The following TLL1 variants were observed in gnomAD, a reference collection of about 807,000 sequenced individuals.
TLL1 encodes tolloid like 1.
In TLL1, 49 loss-of-function variants were observed where a neutral mutation model predicts 128.2. That is an observed-to-expected ratio of 0.38 (90% CI 0.30 to 0.48). The LOEUF is 0.48. TLL1 is among the 20% of genes least tolerant of loss of function. TLL1 has a pLI of 0.96. For missense variants in TLL1, 1,123 were observed against 1,242.0 expected (o/e 0.90, Z 1.44); for synonymous variants, 454 against 418.8 (o/e 1.08, Z -1.03).
rs1459335572 is a variant in TLL1 at position 166,065,857 on chromosome 4, T to C, written c.2182T>C (p.Phe728Leu). The change falls in exon 16 of 21, where the codon TTC (phenylalanine) becomes CTC (leucine). Residue 728 changes from phenylalanine (F) to leucine (L), a missense_variant. Physicochemically the swap from Phe to Leu is conservative, Grantham distance 22 (BLOSUM62 0). This residue lies in a region of TLL1 where 634 missense variants were observed against 672.4 expected (regional missense o/e 0.94). Transcript: ENST00000061240. ...VSKKGFKAHF[F>L]SDKDECSKDN... ...CAAGAAGGGCTTCAAAGCACATTTT[T>C]TCTCAGGTATAAGCATTCACATGTT... 1 of 1,610,242 alleles carries C rather than the reference T, an allele frequency of 6.2e-7. No homozygotes were observed. The highest frequency in any genetic ancestry group is 8.5e-7 in the Non-Finnish European group (1 of 1,178,184).
Position 166,003,482 on chromosome 4 carries a change from T to C in TLL1, c.724T>C (p.Leu242=). 6.2e-7 allele frequency: 1 copy of C among 1,614,050 alleles called. No homozygotes were observed. The highest frequency in any genetic ancestry group is 8.5e-7 in the Non-Finnish European group (1 of 1,179,952). The stretch of plus-strand genomic sequence containing the variant: ...TAAATTTGGGATTGTTGTTCATGAA[T>C]TGGGTCATGTGATAGGCTTTTGGCA... The part of the protein sequence containing the change: ...CDKFGIVVHE[L]GHVIGFWHEH... Residue 242 remains leucine (L), a synonymous_variant, in exon 6 of 21, where the codon TTG becomes CTG. Coordinates refer to ENST00000061240, the MANE Select transcript of TLL1 (RefSeq NM_012464.5).
intron 18 of TLL1, among the ~76,000 whole-genome samples, chr4:166,086,883 GT>G (rs1365490768): frequency 1.3e-5 from 2 of 152,118 alleles, no homozygotes; most frequent in East Asian, 3.9e-4. Context: ...CATTTGCTTT[GT>G]TTTTATTATG....
intron 1 of TLL1, 23 bp downstream of exon 1, chr4:165,874,096 A>G (rs1056160360): frequency 1.2e-6 from 2 of 1,613,614 alleles, no homozygotes; most frequent in African/African-American, 2.7e-5. Flanking sequence ...CCAGGTTGGG[A>G]CGGTGGCGCG....
intron 1 of TLL1, among the ~76,000 whole-genome samples, chr4:165,907,657 T>G (rs1732327553): frequency 6.6e-6 from 1 of 151,772 alleles, no homozygotes; most frequent in Non-Finnish European, 1.5e-5. Flanking sequence ...CAAACGATTC[T>G]CCTGTCTCAG....
intron 1 of TLL1, among the ~76,000 whole-genome samples, chr4:165,877,663 A>T: frequency 6.6e-6 from 1 of 152,142 alleles, no homozygotes; most frequent in East Asian, 1.9e-4. Context: ...GGAAAAGCAG[A>T]TACCTGATGA....
chr4:166,063,653 A>G lies in TLL1; in HGVS notation c.2008-2030A>G, dbSNP rs890274076. ...TGGCACATATACACCATGGAATACT[A>G]TGCAGCCATAAAAAATGATGAGTTC... On this transcript the variant is annotated intron_variant, in intron 15 of 20. Coordinates refer to ENST00000061240, the MANE Select transcript of TLL1 (RefSeq NM_012464.5). Among the ~76,000 whole-genome samples, 5 of 152,302 alleles carry G rather than the reference A, an allele frequency of 3.3e-5. No individual in the cohort carries two copies. In the South Asian group the frequency reaches 6.2e-4, roughly 19 times the overall value.
chr4:165,984,087 C>G (rs1736285164), intron 1 of TLL1, among the ~76,000 whole-genome samples: 1 of 151,680 alleles, frequency 6.6e-6, no homozygotes, highest in Admixed American at 6.6e-5. Context: ...TTTGTATGAA[C>G]AAACACTAAA....
At chr4:166,078,101 T>C (rs918247171) in intron 18 of TLL1, 71 bp downstream of exon 18, 2 of 1,602,382 alleles carry the variant, frequency 1.2e-6, no homozygotes, top group African/African-American at 2.7e-5. Context: ...CACTTGGAAA[T>C]AAAATGGAGG....
intron 6 of TLL1, among the ~76,000 whole-genome samples, chr4:166,007,552 T>C (rs1737495218): frequency 6.6e-6 from 1 of 151,712 alleles, no homozygotes; most frequent in South Asian, 2.1e-4. Context: ...GATTTTTGTA[T>C]GACCTGGAAA....
At chr4:165,887,957 AT>A (rs1193412084) in intron 1 of TLL1, among the ~76,000 whole-genome samples, 1 of 152,152 alleles carries the variant, frequency 6.6e-6, no homozygotes, top group African/African-American at 2.4e-5. Context: ...AGTTGTTGCT[AT>A]TATGCAGAAA....
intron 12 of TLL1, among the ~76,000 whole-genome samples, chr4:166,052,458 C>A (rs958563448): frequency 5.3e-5 from 8 of 151,994 alleles, no homozygotes; most frequent in African/African-American, 1.9e-4. Context: ...CCATGCCCAG[C>A]TAATTGTTTT....
chr4:165,984,311 T>C (rs1736297538), intron 1 of TLL1, among the ~76,000 whole-genome samples: 1 of 151,930 alleles, frequency 6.6e-6, no homozygotes, highest in Non-Finnish European at 1.5e-5. Context: ...TTGGGGGAGA[T>C]TTATTCTATG....
chr4:165,964,031 T>TA (rs1332431268), intron 1 of TLL1, among the ~76,000 whole-genome samples: 41 of 152,208 alleles, frequency 2.7e-4, no homozygotes, highest in African/African-American at 8.9e-4. Flanking sequence ...AATTTTAGGC[T>TA]ACATTTGGCA....
At chr4:165,975,440 A>G (rs759057263) in intron 1 of TLL1, among the ~76,000 whole-genome samples, 37 of 152,190 alleles carry the variant, frequency 2.4e-4, no homozygotes, top group Admixed American at 4.6e-4. Flanking sequence ...TGCTATGCCT[A>G]GATACATTTA....
chr4:166,027,614 T>G (rs1483042744), intron 9 of TLL1, among the ~76,000 whole-genome samples: 2 of 152,170 alleles, frequency 1.3e-5, no homozygotes, highest in African/African-American at 2.4e-5. Context: ...GATCGATTTT[T>G]ATTTAAGTTC....
intron 1 of TLL1, among the ~76,000 whole-genome samples, chr4:165,927,207 A>G (rs2110898599): frequency 6.6e-6 from 1 of 152,344 alleles, no homozygotes; most frequent in Middle Eastern, 3.4e-3. Flanking sequence ...GATATATACT[A>G]AAAGCAAATG....
chr4:165,889,579 T>C (rs1288606024), intron 1 of TLL1, among the ~76,000 whole-genome samples: 1 of 152,254 alleles, frequency 6.6e-6, no homozygotes, highest in Non-Finnish European at 1.5e-5. Context: ...ACAAGTTACC[T>C]GTACTGACTT....
At chr4:165,875,899 CT>C (rs1326946778) in intron 1 of TLL1, among the ~76,000 whole-genome samples, 4 of 149,628 alleles carry the variant, frequency 2.7e-5, no homozygotes, top group African/African-American at 2.5e-5. Flanking sequence ...AAATAAACAT[CT>C]AGGCAAGGAA....
chr4:166,004,168 A>G (rs1325667287), intron 6 of TLL1, among the ~76,000 whole-genome samples: 1 of 152,124 alleles, frequency 6.6e-6, no homozygotes, highest in African/African-American at 2.4e-5. Flanking sequence ...CTGATAGTTG[A>G]TATTTGATAA....
Sources: allele counts gnomAD v4.1 joint callset (sites outside exome capture counted in the v4.1 genomes callset), GRCh38; gene constraint gnomAD v4.1.1; regional missense constraint gnomAD v4.1.1; transcripts MANE v1.5; gene names NCBI Gene and HGNC (gene_info 2026-07-23, HGNC 2026-07-21).